The following ZC3H3 variants were observed in gnomAD, a reference collection of about 807,000 sequenced individuals.
The protein encoded by ZC3H3 is zinc finger CCCH domain-containing protein 3.
A neutral mutation model predicts 77.3 loss-of-function variants in ZC3H3; 36 were observed. The ratio of observed to expected loss-of-function variants is 0.47; its 90% CI spans 0.36 to 0.61. ZC3H3 has a LOEUF of 0.61. Ranked by LOEUF, ZC3H3 falls within the 20% of genes least tolerant of loss-of-function variation. The probability of loss-of-function intolerance (pLI) is 0.00; values close to 1 mark genes in which losing one functional copy is unlikely to be tolerated. For synonymous variants in ZC3H3, 626 were observed against 555.2 expected (o/e 1.13, Z -1.79); for missense variants, 1,331 against 1,312.2 (o/e 1.01, Z -0.22).
chr8:143,522,299 G>A (rs1053651693), intron 3 of ZC3H3, among the ~76,000 whole-genome samples: 6 of 152,202 alleles, frequency 3.9e-5, no homozygotes, highest in African/African-American at 1.4e-4. Flanking sequence ...TATTTCCTTT[G>A]CCTCATTAAA....
rs953308808 is a variant in ZC3H3 at position 143,441,209 on chromosome 8, G to A, written c.2308-89C>T. 135 of 1,308,554 alleles carry A rather than the reference G, an allele frequency of 1.0e-4. No homozygotes were observed. The Middle Eastern group carries it at 1.3e-3, about 13-fold the overall frequency. 81.1% of individuals were successfully genotyped at this position (1,308,554 alleles called of 1,614,324 possible). ...CAAGGAGAGCCAGGCCAGGCCCCCC[G>A]AGTACCCACGGGGCCCCATAGGCTC... On this transcript the variant is annotated intron_variant, in intron 9 of 11. Transcript: ENST00000262577.
At chr8:143,438,766 A>G (rs1166161958) in intron 11 of ZC3H3, among the ~76,000 whole-genome samples, 2 of 152,180 alleles carry the variant, frequency 1.3e-5, no homozygotes, top group African/African-American at 4.8e-5. Context: ...GTCTCCGTGT[A>G]GCTGCCCACA....
chr8:143,508,880 C>T lies in ZC3H3; in HGVS notation c.1562-981G>A, dbSNP rs966799457. 2.6e-4 allele frequency among the ~76,000 whole-genome samples: 40 copies of T among 152,314 alleles called. 1 individual carries two copies. Among genetic ancestry groups the T allele is most frequent in the African/African-American group, 8.7e-4 (36 of 41,574 alleles). Reference sequence around the variant, plus strand: ...TTGGCCCCCACAGCCAAACAGCCCTCGAGGCACCCTGCTCCTTGGACAGGA... The same window carrying T: ...TTGGCCCCCACAGCCAAACAGCCCTTGAGGCACCCTGCTCCTTGGACAGGA... On this transcript the variant is annotated intron_variant, in intron 3 of 11. Coordinates refer to ENST00000262577, the MANE Select transcript of ZC3H3 (RefSeq NM_015117.3).
At chr8:143,448,305 T>TAA (rs1210664735) in intron 9 of ZC3H3, among the ~76,000 whole-genome samples, 2 of 136,538 alleles carry the variant, frequency 1.5e-5, no homozygotes, top group Non-Finnish European at 1.6e-5. Context: ...AAACTCTGTC[T>TAA]AAAAAAAAAA....
chr8:143,485,790 G>A (rs1350940834), intron 4 of ZC3H3, among the ~76,000 whole-genome samples: 1 of 152,178 alleles, frequency 6.6e-6, no homozygotes. Context: ...ACAAAAACAG[G>A]CCAACACCCA....
chr8:143,447,935 T>A (rs1819899264), intron 9 of ZC3H3, among the ~76,000 whole-genome samples: 1 of 151,864 alleles, frequency 6.6e-6, no homozygotes, highest in Non-Finnish European at 1.5e-5. Flanking sequence ...TCGAGACCAG[T>A]CTGGACAACA....
At position 143,474,044 on chromosome 8, in the gene ZC3H3, G is replaced by A. The variant is rs140890733; in HGVS notation, c.1903+1354C>T. ...CAGGAAGGCCTATCCCCCAACCCAC[G>A]GCAGCATCCCCCAGGGGCAAAGCCT... is the stretch of plus-strand genomic sequence containing the variant. On this transcript the variant is annotated intron_variant, in intron 5 of 11. Coordinates refer to ENST00000262577, the MANE Select transcript of ZC3H3 (RefSeq NM_015117.3). Among the ~76,000 whole-genome samples the A allele has an allele frequency of 9.5e-4, 144 of 152,248 alleles. 2 individuals carry two copies. Among genetic ancestry groups the A allele is most frequent in the East Asian group, 5.8e-3 (30 of 5,174 alleles).
chr8:143,513,489 C>G (rs1821936387), intron 3 of ZC3H3, among the ~76,000 whole-genome samples: 1 of 152,210 alleles, frequency 6.6e-6, no homozygotes, highest in African/African-American at 2.4e-5. Flanking sequence ...ACAAGGAGTC[C>G]CGTCAGGCAG....
Position 143,504,821 on chromosome 8 carries a change from G to A in ZC3H3, c.1715+2925C>T, listed in dbSNP as rs149392722. On this transcript the variant is annotated intron_variant, in intron 4 of 11. Coordinates refer to ENST00000262577, the MANE Select transcript of ZC3H3 (RefSeq NM_015117.3). ...GTCCCTTCGCAGAGCCTCTGCCAGC[G>A]GCTCCCTCTCCTCCCAGAGCAGTGC... Among the ~76,000 whole-genome samples, 694 of 152,284 alleles carry A rather than the reference G, an allele frequency of 4.6e-3. 2 individuals are homozygous for A. Among genetic ancestry groups the A allele is most frequent in the Middle Eastern group, 0.01 (3 of 294 alleles).
chr8:143,505,144 T>C (rs1375894618), intron 4 of ZC3H3, among the ~76,000 whole-genome samples: 6 of 152,284 alleles, frequency 3.9e-5, no homozygotes, highest in Middle Eastern at 3.4e-3. Context: ...TGCTGGGGCT[T>C]GCCCGCCAGC....
Position 143,473,214 on chromosome 8 carries a change from C to A in ZC3H3, c.1903+2184G>T, listed in dbSNP as rs563613647. Among the ~76,000 whole-genome samples the A allele has an allele frequency of 2.0e-5, 3 of 152,288 alleles. No homozygotes were observed. In the East Asian group the frequency reaches 5.8e-4, roughly 29 times the overall value. ...GCCTGCCCCCAACCCATCTCCTCCC[C>A]CTGCTGGCTGTGCACAGGGTCCTGC... On this transcript the variant is annotated intron_variant, in intron 5 of 11. Transcript: ENST00000262577.
rs1820394405 is a variant in ZC3H3, at chr8:143,465,852, C to T, written c.2176-4G>A. ...GGAAGTAGGAGCACACCGGCATCTG[C>T]AGGGAGGGCCGGCAGTGAGGGCCAG... On this transcript the variant is annotated splice_polypyrimidine_tract_variant and splice_region_variant and intron_variant, in intron 8 of 11. Coordinates refer to ENST00000262577, the MANE Select transcript of ZC3H3 (RefSeq NM_015117.3). The T allele has an allele frequency of 2.5e-6, 4 of 1,608,758 alleles. No homozygotes were observed. The highest frequency in any genetic ancestry group is 4.5e-5 in the East Asian group (2 of 44,872).
Position 143,533,396 on chromosome 8 carries a change from T to TGCTCTCC in ZC3H3, c.1561+2854_1561+2860dup, listed in dbSNP as rs573814448. On this transcript the variant is annotated intron_variant, in intron 3 of 11. Coordinates refer to ENST00000262577, the MANE Select transcript of ZC3H3 (RefSeq NM_015117.3). The surrounding 1 kb of genome is among the most constrained non-coding windows in gnomAD (Gnocchi z 4.0). ...AACCACCTCTCTGCAGCTGGCCCTG[T>TGCTCTCC]GCTCTCCCCCTGCCTGTTCCTCAGA... 3.3e-5 allele frequency among the ~76,000 whole-genome samples: 5 copies of TGCTCTCC among 152,186 alleles called. No individual in the cohort carries two copies. Among genetic ancestry groups the TGCTCTCC allele is most frequent in the African/African-American group, 4.8e-5 (2 of 41,448 alleles).
intron 9 of ZC3H3, 42 bp from the exon 10 acceptor site, chr8:143,441,162 C>A: frequency 7.3e-7 from 1 of 1,367,212 alleles, no homozygotes; most frequent in Non-Finnish European, 9.4e-7. Context: ...CGGCTGGAGG[C>A]TGTGGCGCTG....
At chr8:143,447,744 A>G (rs938214849) in intron 9 of ZC3H3, among the ~76,000 whole-genome samples, 3 of 152,154 alleles carry the variant, frequency 2.0e-5, no homozygotes, top group Admixed American at 2.0e-4. Context: ...AGGACGAGAG[A>G]GAGCGGGGCA....
chr8:143,496,630 G>A (rs1347657927), intron 4 of ZC3H3, among the ~76,000 whole-genome samples: 1 of 152,226 alleles, frequency 6.6e-6, no homozygotes, highest in South Asian at 2.1e-4. Flanking sequence ...ATGGAAGGAG[G>A]GGTGGGAAAG....
At chr8:143,442,926 C>T (rs1262960613) in intron 9 of ZC3H3, among the ~76,000 whole-genome samples, 2 of 152,162 alleles carry the variant, frequency 1.3e-5, no homozygotes, top group African/African-American at 4.8e-5. Flanking sequence ...CTGTACTGGA[C>T]AGCGCCGATG....
chr8:143,534,635 C>T (rs947399268), intron 3 of ZC3H3, among the ~76,000 whole-genome samples: 3 of 144,176 alleles, frequency 2.1e-5, no homozygotes, highest in African/African-American at 5.1e-5. Flanking sequence ...CAGAGCTGGA[C>T]ACCTCCCCAA....
intron 9 of ZC3H3, among the ~76,000 whole-genome samples, chr8:143,448,859 C>A (rs1487948989): frequency 6.6e-6 from 1 of 152,258 alleles, no homozygotes; most frequent in African/African-American, 2.4e-5. Flanking sequence ...GACATACAGG[C>A]TTTTCCACGT....
Sources: allele counts gnomAD v4.1 joint callset (sites outside exome capture counted in the v4.1 genomes callset), GRCh38; gene constraint gnomAD v4.1.1; non-coding constraint Gnocchi (gnomAD v3.1); transcripts MANE v1.5; gene names NCBI Gene and HGNC (gene_info 2026-07-23, HGNC 2026-07-21).